The following IFNG-AS1 variants were observed in gnomAD, a reference collection of about 807,000 sequenced individuals.
The protein encoded by IFNG-AS1 is IFNG regulatory antisense RNA 1.
At chr12:67,991,873 A>G (rs1399673326) in intron 1 of IFNG-AS1, among the ~76,000 whole-genome samples, 1 of 152,246 alleles carries the variant, frequency 6.6e-6, no homozygotes, top group African/African-American at 2.4e-5. Context: ...TAGCTCAAGG[A>G]TAGAGAAAAT....
intron 3 of IFNG-AS1, among the ~76,000 whole-genome samples, chr12:68,016,674 C>T (rs569027422): frequency 6.0e-4 from 91 of 152,302 alleles, no homozygotes; most frequent in African/African-American, 2.2e-3. Context: ...TTAATTTCCT[C>T]TTTGCTTTCT....
At chr12:68,008,429 AT>A (rs1408941412) in intron 3 of IFNG-AS1, among the ~76,000 whole-genome samples, 3 of 145,274 alleles carry the variant, frequency 2.1e-5, no homozygotes, top group Admixed American at 6.9e-5. Flanking sequence ...AAAAAAAAAA[AT>A]ATGTAGAGAT....
chr12:67,991,904 G>A (rs547196053), intron 1 of IFNG-AS1, among the ~76,000 whole-genome samples: 5 of 152,306 alleles, frequency 3.3e-5, no homozygotes, highest in African/African-American at 1.2e-4. Flanking sequence ...GAAATAATAA[G>A]TGTCCATATG....
intron 2 of IFNG-AS1, among the ~76,000 whole-genome samples, chr12:67,997,371 A>G (rs2120423732): frequency 6.6e-6 from 1 of 152,258 alleles, no homozygotes; most frequent in East Asian, 1.9e-4. Flanking sequence ...AGTATATGAT[A>G]AGTGACATCA....
chr12:67,999,194 T>C (rs1434149688), intron 2 of IFNG-AS1, among the ~76,000 whole-genome samples: 2 of 152,156 alleles, frequency 1.3e-5, no homozygotes, highest in African/African-American at 4.8e-5. Flanking sequence ...GATAGATAGA[T>C]AATAGATGAT....
At chr12:68,014,930 G>A (rs2120474061) in intron 3 of IFNG-AS1, among the ~76,000 whole-genome samples, 1 of 152,204 alleles carries the variant, frequency 6.6e-6, no homozygotes, top group South Asian at 2.1e-4. Context: ...AATTCTTGGT[G>A]AAAAGAGCAA....
intron 3 of IFNG-AS1, among the ~76,000 whole-genome samples, chr12:68,010,711 C>T (rs564345200): frequency 1.1e-4 from 17 of 152,264 alleles, no homozygotes; most frequent in East Asian, 1.9e-4. Flanking sequence ...AGAATACAAC[C>T]TCCTTCTGTG....
intron 3 of IFNG-AS1, among the ~76,000 whole-genome samples, chr12:68,014,890 C>T (rs182288873): frequency 3.4e-4 from 51 of 152,062 alleles, no homozygotes; most frequent in Non-Finnish European, 6.3e-4. Context: ...AATAGAATGG[C>T]GTCTATTTTC....
rs1379641821 is a variant in IFNG-AS1, at chr12:68,015,527, C to G, written n.242-4335C>G. 2.0e-5 allele frequency among the ~76,000 whole-genome samples: 3 copies of G among 152,118 alleles called. No individual in the cohort carries two copies. The East Asian group carries it at 5.8e-4, about 29-fold the overall frequency. ...TTTGAAGCCTCTAAAGTTCTTGAAG[C>G]TTCTACTAGAGATTTCCCATTTCCA... On this transcript the variant is annotated intron_variant and non_coding_transcript_variant, in intron 3 of 5. Transcript: ENST00000536914.
At chr12:68,010,386 G>A (rs116842010) in intron 3 of IFNG-AS1, among the ~76,000 whole-genome samples, 3,231 of 152,236 alleles carry the variant, frequency 0.021, 47 homozygotes, top group Non-Finnish European at 0.032. Flanking sequence ...GCCAGTTTGC[G>A]GAGTACATCC....
At chr12:67,995,323 A>C (rs1592819308) in intron 1 of IFNG-AS1, among the ~76,000 whole-genome samples, 4 of 147,688 alleles carry the variant, frequency 2.7e-5, no homozygotes. Flanking sequence ...CAGGAGGCTG[A>C]GGCAGGAGAA....
chr12:68,015,641 CTA>C (rs983007859), intron 3 of IFNG-AS1, among the ~76,000 whole-genome samples: 5 of 151,920 alleles, frequency 3.3e-5, no homozygotes, highest in Non-Finnish European at 5.9e-5. Context: ...GATTTTAGTA[CTA>C]TATAGTCTCC....
intron 3 of IFNG-AS1, among the ~76,000 whole-genome samples, chr12:68,017,427 G>T (rs188476308): frequency 2.6e-5 from 4 of 152,244 alleles, no homozygotes; most frequent in African/African-American, 9.6e-5. Flanking sequence ...AAAGATCATT[G>T]GGTTTGCAGA....
At chr12:67,990,625 G>A (rs1020311883) in intron 1 of IFNG-AS1, among the ~76,000 whole-genome samples, 5 of 150,576 alleles carry the variant, frequency 3.3e-5, no homozygotes, top group East Asian at 3.9e-4. Flanking sequence ...ATGGAGTCTC[G>A]CACTGTCGAC....
At chr12:68,017,637 G>A (rs1049025354) in intron 3 of IFNG-AS1, among the ~76,000 whole-genome samples, 1 of 152,124 alleles carries the variant, frequency 6.6e-6, no homozygotes, top group Admixed American at 6.6e-5. Flanking sequence ...CCAAGGGGAG[G>A]CACTAAATCC....
intron 3 of IFNG-AS1, among the ~76,000 whole-genome samples, chr12:68,006,889 G>A (rs1879918052): frequency 6.6e-6 from 1 of 152,142 alleles, no homozygotes; most frequent in Non-Finnish European, 1.5e-5. Flanking sequence ...CATGACCTGA[G>A]GACCCAGTTA....
chr12:67,996,848 T>C (rs1045736107), intron 2 of IFNG-AS1, among the ~76,000 whole-genome samples: 1 of 152,230 alleles, frequency 6.6e-6, no homozygotes, highest in Admixed American at 6.5e-5. Context: ...GTTATTTCTA[T>C]CTTTTATTTG....
chr12:68,008,402 C>T (rs111832222), intron 3 of IFNG-AS1, among the ~76,000 whole-genome samples: 7,046 of 116,754 alleles, frequency 0.06, 293 homozygotes, highest in African/African-American at 0.14. Flanking sequence ...GGCGACAGCA[C>T]GAGACACCAT....
intron 2 of IFNG-AS1, among the ~76,000 whole-genome samples, chr12:68,003,776 G>A (rs959032491): frequency 1.3e-5 from 2 of 152,080 alleles, no homozygotes; most frequent in South Asian, 2.1e-4. Context: ...GCATGGTAGC[G>A]GGTGTCTGTA....
Sources: allele counts gnomAD v4.1 joint callset (sites outside exome capture counted in the v4.1 genomes callset), GRCh38; gene constraint gnomAD v4.1.1; transcripts MANE v1.5; gene names NCBI Gene and HGNC (gene_info 2026-07-23, HGNC 2026-07-21).